USP34: variants seen among roughly 807,000 people sequenced by gnomAD.
USP34 encodes the protein ubiquitin carboxyl-terminal hydrolase 34.
In USP34, 70 loss-of-function variants were observed where a neutral mutation model predicts 460.3. That is an observed-to-expected ratio of 0.15 (90% CI 0.13 to 0.19). USP34 has a LOEUF of 0.19. USP34 is among the 10% of genes least tolerant of loss of function. The probability of loss-of-function intolerance (pLI) is 1.00; values close to 1 mark genes in which losing one functional copy is unlikely to be tolerated. For synonymous variants in USP34, 1,647 were observed against 1,405.3 expected, an observed-to-expected ratio of 1.17 and a Z score of -3.85; for missense variants, 3,985 against 4,236.2, an observed-to-expected ratio of 0.94 and a Z score of 1.65.
intron 41 of USP34, among the ~76,000 whole-genome samples, chr2:61,272,562 G>A (rs1055335651): frequency 6.6e-6 from 1 of 151,814 alleles, no homozygotes; most frequent in Non-Finnish European, 1.5e-5. Context: ...TGGAACCATC[G>A]AAAAACTTCC....
intron 69 of USP34, among the ~76,000 whole-genome samples, chr2:61,211,020 T>C (rs1419311449): frequency 6.6e-6 from 1 of 152,160 alleles, no homozygotes; most frequent in Admixed American, 6.5e-5. Flanking sequence ...TTAAAAACAA[T>C]CCCTTTAAGA....
At chr2:61,204,719 A>C (rs1368935564) in intron 72 of USP34, 118 bp from the exon 73 acceptor site, 2 of 753,846 alleles carry the variant, frequency 2.7e-6, no homozygotes, top group Non-Finnish European at 4.4e-6. Context: ...GTCTAAAACT[A>C]AGCTCCTGAC....
At chr2:61,293,307 A>G (rs1226903832) in intron 33 of USP34, among the ~76,000 whole-genome samples, 157 bp downstream of exon 33, 1 of 152,078 alleles carries the variant, frequency 6.6e-6, no homozygotes. Context: ...ACTTATTCCT[A>G]ATTAGTTTAT....
intron 67 of USP34, among the ~76,000 whole-genome samples, chr2:61,219,837 G>A (rs968726046): frequency 6.6e-6 from 1 of 151,826 alleles, no homozygotes; most frequent in African/African-American, 2.4e-5. Flanking sequence ...CATTTTCTAT[G>A]TTTATTTCCA....
At chr2:61,290,687 TA>T (rs145841356) in intron 33 of USP34, among the ~76,000 whole-genome samples, 2,775 of 152,244 alleles carry the variant, frequency 0.018, 86 homozygotes, top group African/African-American at 0.063. Flanking sequence ...GTAATGGAAA[TA>T]TTCTTTGTTT....
chr2:61,463,135 A>G (rs1295004122), intron 1 of USP34, among the ~76,000 whole-genome samples: 1 of 152,138 alleles, frequency 6.6e-6, no homozygotes, highest in African/African-American at 2.4e-5. Flanking sequence ...AAAGCTCTGG[A>G]AACATGTAGT....
chr2:61,220,278 A>G, intron 67 of USP34, 32 bp downstream of exon 67: 1 of 1,574,462 alleles, frequency 6.4e-7, no homozygotes, highest in Non-Finnish European at 8.6e-7. Context: ...CAATAAATAA[A>G]TGGTTTATGA....
Position 61,257,224 on chromosome 2 carries a change from C to T in USP34, c.5971G>A (p.Glu1991Lys). Reference sequence around the variant, plus strand: ...CTAACCAGTTCGGGAGACATTTCTTCGATTTTGGTAATTAGATCAGTAAAA... The same window carrying T: ...CTAACCAGTTCGGGAGACATTTCTTTGATTTTGGTAATTAGATCAGTAAAA... Reference protein sequence around the residue: ...EFFTDLITKIEEMSPELKNTV... With the variant: ...EFFTDLITKIKEMSPELKNTV... Residue 1991 changes from glutamate (E) to lysine (K), a missense_variant, in exon 45 of 80, where the codon GAA becomes AAA. Physicochemically the swap from Glu to Lys is moderately conservative, Grantham distance 56. Around this residue, in one of 14 missense-constraint regions of USP34, gnomAD observed 145 missense variants for 291.6 expected, o/e 0.50. Coordinates refer to ENST00000398571, the MANE Select transcript of USP34 (RefSeq NM_014709.4). 6.2e-7 allele frequency: 1 copy of T among 1,607,322 alleles called. No individual in the cohort carries two copies. Among genetic ancestry groups the T allele is most frequent in the Non-Finnish European group, 8.5e-7 (1 of 1,177,120 alleles).
chr2:61,257,045 T>C lies in USP34; in HGVS notation c.6048+7A>G. On this transcript the variant is annotated splice_region_variant and intron_variant, in intron 46 of 79. Transcript: ENST00000398571. ...TCCAAAAAGTAAAAACCAGGTATAA[T>C]ACTTACCAAGGATACAACATTGTTT... The C allele has an allele frequency of 1.9e-6, 3 of 1,550,614 alleles. No individual in the cohort carries two copies. Among genetic ancestry groups the C allele is most frequent in the Non-Finnish European group, 2.6e-6 (3 of 1,152,088 alleles).
chr2:61,222,880 A>T (rs943435643), intron 64 of USP34, 180 bp downstream of exon 64: 3 of 688,428 alleles, frequency 4.4e-6, no homozygotes, highest in Admixed American at 3.0e-5. Flanking sequence ...TATTTTGTGT[A>T]GAGACGGGTT....
At chr2:61,295,364 G>T in intron 30 of USP34, 74 bp from the exon 31 acceptor site, 1 of 1,461,576 alleles carries the variant, frequency 6.8e-7, no homozygotes, top group South Asian at 1.5e-5. Flanking sequence ...TAAACAAACT[G>T]ACACTACATA....
chr2:61,437,759 C>G (rs534506437), intron 1 of USP34, among the ~76,000 whole-genome samples: 1 of 102,664 alleles, frequency 9.7e-6, no homozygotes, highest in Non-Finnish European at 2.1e-5. Flanking sequence ...GGCAACAGAG[C>G]GAGACTCCGT....
In USP34 at chr2:61,248,491, G is replaced by A; in HGVS notation, c.6394+20C>T. On this transcript the variant is annotated intron_variant, in intron 49 of 79. Transcript: ENST00000398571. Reference sequence around the variant, plus strand: ...AGATTGACAATAATCACAGACAAGAGAAAGAAATGAAAAAATCACCTTCTT... The same window carrying A: ...AGATTGACAATAATCACAGACAAGAAAAAGAAATGAAAAAATCACCTTCTT... 6.5e-7 allele frequency: 1 copy of A among 1,532,776 alleles called. No homozygotes were observed. Among genetic ancestry groups the A allele is most frequent in the Non-Finnish European group, 8.8e-7 (1 of 1,134,084 alleles). The allele number at this position is 1,532,776 out of a possible 1,614,324, so 94.9% of individuals were successfully genotyped here.
chr2:61,466,524 C>T (rs1251451309), intron 1 of USP34, among the ~76,000 whole-genome samples: 4 of 152,194 alleles, frequency 2.6e-5, no homozygotes, highest in Admixed American at 6.6e-5. Flanking sequence ...TACTAATTAA[C>T]TTCAACTGAT....
intron 43 of USP34, among the ~76,000 whole-genome samples, chr2:61,260,492 T>C (rs764287390): frequency 7.2e-5 from 11 of 152,216 alleles, no homozygotes; most frequent in Non-Finnish European, 1.6e-4. Context: ...GTCCACAAGC[T>C]AAGAGTATAC....
At chr2:61,296,573 A>G (rs1333286168) in intron 30 of USP34, among the ~76,000 whole-genome samples, 1 of 152,238 alleles carries the variant, frequency 6.6e-6, no homozygotes. Flanking sequence ...AATTTTAGAA[A>G]ACATCTTCAT....
intron 10 of USP34, among the ~76,000 whole-genome samples, chr2:61,353,874 A>G (rs1019913304): frequency 2.6e-5 from 4 of 152,238 alleles, no homozygotes; most frequent in Non-Finnish European, 4.4e-5. Flanking sequence ...GAAAGGTACA[A>G]CAACTGAAAT....
At chr2:61,301,217 G>A in intron 28 of USP34, 57 bp from the exon 29 acceptor site, 3 of 1,546,034 alleles carry the variant, frequency 1.9e-6, no homozygotes, top group Non-Finnish European at 2.6e-6. Context: ...TAATAAAACG[G>A]TAAATCTGAA....
At chr2:61,216,473 G>A (rs918027673) in intron 67 of USP34, among the ~76,000 whole-genome samples, 20 of 151,910 alleles carry the variant, frequency 1.3e-4, no homozygotes, top group East Asian at 1.9e-4. Flanking sequence ...GGTGGTGAGC[G>A]CCTGTAGTCC....
Sources: allele counts gnomAD v4.1 joint callset (sites outside exome capture counted in the v4.1 genomes callset), GRCh38; gene constraint gnomAD v4.1.1; regional missense constraint gnomAD v4.1.1; transcripts MANE v1.5; gene names NCBI Gene and HGNC (gene_info 2026-07-23, HGNC 2026-07-21).